RHD: variants seen among roughly 807,000 people sequenced by gnomAD.
RHD encodes blood group Rh(D) polypeptide.
RHD carries 16 observed loss-of-function variants against 45.5 expected under a neutral mutation model. The observed-to-expected ratio is 0.35, with a 90% CI of 0.24 to 0.53. The LOEUF is 0.53. RHD is among the 20% of genes least tolerant of loss of function. The pLI, the probability that RHD is intolerant of heterozygous loss-of-function variation, is 0.92. For synonymous variants in RHD, 131 were observed against 217.5 expected (o/e 0.60, Z 3.50); for missense variants, 306 against 532.0 (o/e 0.58, Z 4.18).
intron 6 of RHD, 64 bp from the exon 7 acceptor site, chr1:25,306,532 A>G: frequency 7.5e-7 from 1 of 1,337,076 alleles, no homozygotes; most frequent in South Asian, 1.2e-5. Flanking sequence ...AGGGTGTGTG[A>G]AAGGGGTGGG....
rs1324421058 is a variant in RHD, at chr1:25,281,173, AT to A, written c.149-3398del. 1.5e-5 allele frequency among the ~76,000 whole-genome samples: 2 copies of A among 132,510 alleles called. 1 individual carries two copies. Among genetic ancestry groups the A allele is most frequent in the East Asian group, 3.9e-4 (2 of 5,146 alleles). The allele number at this position is 132,510 out of a possible 152,430, so 86.9% of individuals were successfully genotyped here. Reference sequence around the variant, plus strand: ...CCTGTGCAAGGACATAGTTCCAGGCATTCAGAGCTGGGCTCTGCTGCCGGCA... The same window carrying A: ...CCTGTGCAAGGACATAGTTCCAGGCATCAGAGCTGGGCTCTGCTGCCGGCA... On this transcript the variant is annotated intron_variant, in intron 1 of 9. Coordinates refer to ENST00000328664, the MANE Select transcript of RHD (RefSeq NM_016124.6).
In RHD at chr1:25,291,763, G is replaced by A. The variant is rs558289695; in HGVS notation, c.486+972G>A. ...TGTCCTCTCATTGGGAGAGCCTGTC[G>A]AAAGTCTAAATTTGAAGGCAGCTGT... is the stretch of plus-strand genomic sequence containing the variant. On this transcript the variant is annotated intron_variant, in intron 3 of 9. Coordinates refer to ENST00000328664, the MANE Select transcript of RHD (RefSeq NM_016124.6). 2.3e-4 allele frequency among the ~76,000 whole-genome samples: 31 copies of A among 132,566 alleles called. 9 individuals are homozygous for A. The highest frequency in any genetic ancestry group is 5.0e-4 in the Non-Finnish European group (28 of 55,920). 87.0% of individuals were successfully genotyped at this position (132,566 alleles called of 152,430 possible).
rs1414487872 is a variant in RHD, at chr1:25,307,842, G to A, written c.1073+1113G>A. 31 of 1,297,810 alleles carry A rather than the reference G, an allele frequency of 2.4e-5. 7 individuals carry two copies. The highest frequency in any genetic ancestry group is 3.0e-5 in the Non-Finnish European group (28 of 941,958). The allele number at this position is 1,297,810 out of a possible 1,614,324, so 80.4% of individuals were successfully genotyped here. On this transcript the variant is annotated intron_variant, in intron 7 of 9. Coordinates refer to ENST00000328664, the MANE Select transcript of RHD (RefSeq NM_016124.6). Reference sequence around the variant, plus strand: ...GTGAGACATCCTTGCTTGGGATGAGGAGGGGATGAGCTGTGTGAAGCAAGG... The same window carrying A: ...GTGAGACATCCTTGCTTGGGATGAGAAGGGGATGAGCTGTGTGAAGCAAGG...
intron 2 of RHD, among the ~76,000 whole-genome samples, chr1:25,285,058 T>A (rs901845076): frequency 7.4e-6 from 1 of 134,722 alleles, no homozygotes; most frequent in African/African-American, 2.6e-5. Flanking sequence ...ATAATCAATA[T>A]AAGTTTATGG....
rs556261441 is a variant in RHD, at chr1:25,302,049, A to G, written c.801+363A>G. Among the ~76,000 whole-genome samples the G allele has an allele frequency of 2.3e-5, 3 of 130,688 alleles. No individual in the cohort carries two copies. The East Asian group carries it at 5.9e-4, about 26-fold the overall frequency. The allele number at this position is 130,688 out of a possible 152,430, so 85.7% of individuals were successfully genotyped here. ...AGCCAGCCTCTCTCTTCCCCCCAAC[A>G]AATTTCAAGAATGGAACCATCAGAA... On this transcript the variant is annotated intron_variant, in intron 5 of 9. Coordinates refer to ENST00000328664, the MANE Select transcript of RHD (RefSeq NM_016124.6).
intron 6 of RHD, among the ~76,000 whole-genome samples, chr1:25,304,221 A>G (rs923621618): frequency 2.1e-5 from 2 of 93,446 alleles, no homozygotes; most frequent in Non-Finnish European, 5.1e-5. Context: ...ACAAATCTTC[A>G]TGGGTTTGAA....
At chr1:25,300,806 CTGGG>C in intron 3 of RHD, 136 bp from the exon 4 acceptor site, 1 of 983,632 alleles carries the variant, frequency 1.0e-6, no homozygotes, top group Non-Finnish European at 1.6e-6. Context: ...CTGGGTTGGG[CTGGG>C]TAAGCTCTGA....
In RHD at chr1:25,279,010, C is replaced by T. The variant is rs529116956; in HGVS notation, c.149-5563C>T. Reference sequence around the variant, plus strand: ...GGGTGTGACTTCAGAGCTGTTGGTGCTGAAGTTTCTGCAGGCCAGAAGGAG... The same window carrying T: ...GGGTGTGACTTCAGAGCTGTTGGTGTTGAAGTTTCTGCAGGCCAGAAGGAG... On this transcript the variant is annotated intron_variant, in intron 1 of 9. Coordinates refer to ENST00000328664, the MANE Select transcript of RHD (RefSeq NM_016124.6). 3.6e-4 allele frequency among the ~76,000 whole-genome samples: 47 copies of T among 129,804 alleles called. 8 individuals are homozygous for T. The highest frequency in any genetic ancestry group is 1.2e-3 in the African/African-American group (45 of 37,554). The allele number at this position is 129,804 out of a possible 152,430, so 85.2% of individuals were successfully genotyped here.
rs1335443403 is a variant in RHD at position 25,283,502 on chromosome 1, G to A, written c.149-1071G>A. On this transcript the variant is annotated intron_variant, in intron 1 of 9. Coordinates refer to ENST00000328664, the MANE Select transcript of RHD (RefSeq NM_016124.6). The stretch of plus-strand genomic sequence containing the variant: ...GCCAAGATCTTGCCACTGTACTCCA[G>A]CCTGGGTGACGAGTGAAACTCTATC... 1.7e-4 allele frequency among the ~76,000 whole-genome samples: 22 copies of A among 126,898 alleles called. 4 individuals carry two copies. The highest frequency in any genetic ancestry group is 3.6e-5 in the Non-Finnish European group (2 of 55,178). 83.3% of individuals were successfully genotyped at this position (126,898 alleles called of 152,430 possible).
rs1417377916 is a variant in RHD, at chr1:25,316,535, C to T, written c.1074-465C>T. On this transcript the variant is annotated intron_variant, in intron 7 of 9. Transcript: ENST00000328664. ...CTTGAGGCACAAGAATCGCTTGAAC[C>T]TGGGGGACAGAGGTTGCAGTGAGCC... is the stretch of plus-strand genomic sequence containing the variant. Among the ~76,000 whole-genome samples the T allele has an allele frequency of 3.8e-5, 4 of 106,506 alleles. 1 individual carries two copies. Among genetic ancestry groups the T allele is most frequent in the Admixed American group, 9.2e-5 (1 of 10,890 alleles). The allele number at this position is 106,506 out of a possible 152,430, so 69.9% of individuals were successfully genotyped here.
At chr1:25,274,135 C>A (rs1278216430) in intron 1 of RHD, among the ~76,000 whole-genome samples, 1 of 132,204 alleles carries the variant, frequency 7.6e-6, no homozygotes, top group Admixed American at 7.4e-5. Context: ...TACTATGTAC[C>A]AGGCACTATT....
rs1483067134 is a variant in RHD at position 25,322,576 on chromosome 1, G to T, written c.1227+614G>T. ...TAATCCCAGTTACTCAGGAGGCTGAGGCAGGAGAATCACTTGAACCTGGGA... is the reference window on the plus strand; with the variant it reads ...TAATCCCAGTTACTCAGGAGGCTGATGCAGGAGAATCACTTGAACCTGGGA... On this transcript the variant is annotated intron_variant, in intron 9 of 9. Transcript: ENST00000328664. 3.8e-5 allele frequency among the ~76,000 whole-genome samples: 5 copies of T among 132,340 alleles called. 1 individual carries two copies. Among genetic ancestry groups the T allele is most frequent in the African/African-American group, 1.3e-4 (5 of 38,780 alleles). The allele number at this position is 132,340 out of a possible 152,430, so 86.8% of individuals were successfully genotyped here.
Position 25,315,366 on chromosome 1 carries a change from T to C in RHD, c.1074-1634T>C, listed in dbSNP as rs1217881418. Among the ~76,000 whole-genome samples the C allele has an allele frequency of 1.5e-5, 2 of 130,394 alleles. 1 individual carries two copies. Among genetic ancestry groups the C allele is most frequent in the Non-Finnish European group, 3.6e-5 (2 of 55,440 alleles). The allele number at this position is 130,394 out of a possible 152,430, so 85.5% of individuals were successfully genotyped here. On this transcript the variant is annotated intron_variant, in intron 7 of 9. Coordinates refer to ENST00000328664, the MANE Select transcript of RHD (RefSeq NM_016124.6). ...TACAAAGATGGCAAAGATGAGGGCC[T>C]GGAGCTTGCCACACGGAAGGGGGGA...
rs1477792146 is a variant in RHD, at chr1:25,301,110, G to A, written c.634+17G>A. ...CCATGCTGGGTAAGGACAAGGTGGGGTGAGTGGTCTCCTACTTGGGCTGAG... is the reference window on the plus strand; with the variant it reads ...CCATGCTGGGTAAGGACAAGGTGGGATGAGTGGTCTCCTACTTGGGCTGAG... On this transcript the variant is annotated intron_variant, in intron 4 of 9. Transcript: ENST00000328664. 2.2e-6 allele frequency: 3 copies of A among 1,374,436 alleles called. No homozygotes were observed. The East Asian group carries it at 6.7e-5, about 31-fold the overall frequency. 85.1% of individuals were successfully genotyped at this position (1,374,436 alleles called of 1,614,324 possible). A position where few individuals can be genotyped will look rare whatever the true frequency, so the allele number is the denominator to read the frequency against.
intron 7 of RHD, among the ~76,000 whole-genome samples, chr1:25,308,876 G>C (rs1468235807): frequency 1.5e-5 from 2 of 131,254 alleles, no homozygotes; most frequent in African/African-American, 5.3e-5. Context: ...CCTTAGTCCT[G>C]GTACTGAAAC....
At chr1:25,287,474 T>C (rs1642131913) in intron 2 of RHD, among the ~76,000 whole-genome samples, 1 of 135,086 alleles carries the variant, frequency 7.4e-6, no homozygotes, top group African/African-American at 2.6e-5. Flanking sequence ...TCCTGACCGG[T>C]TCCCGTCAGG....
chr1:25,316,776 TA>T (rs1644464057), intron 7 of RHD, among the ~76,000 whole-genome samples: 1 of 98,198 alleles, frequency 1.0e-5, no homozygotes, highest in Non-Finnish European at 2.5e-5. Context: ...TGCTGGGAAC[TA>T]AAATAAGCCA....
chr1:25,276,532 TAAAAAAAAA>T (rs557746335), intron 1 of RHD, among the ~76,000 whole-genome samples: 1 of 64,784 alleles, frequency 1.5e-5, no homozygotes, highest in African/African-American at 7.2e-5. Context: ...CCCCCATCTC[TAAAAAAAAA>T]AAAAAAAAAA....
chr1:25,282,670 A>G lies in RHD; in HGVS notation c.149-1903A>G, dbSNP rs1373641627. On this transcript the variant is annotated intron_variant, in intron 1 of 9. Transcript: ENST00000328664. ...CTGGGCACGATGGCTCATGCCTGTAATCCCAGCACTTTGGGAGACGGAGGT... is the reference window on the plus strand; with the variant it reads ...CTGGGCACGATGGCTCATGCCTGTAGTCCCAGCACTTTGGGAGACGGAGGT... 1.5e-5 allele frequency among the ~76,000 whole-genome samples: 2 copies of G among 132,036 alleles called. 1 individual carries two copies. The highest frequency in any genetic ancestry group is 1.5e-4 in the Admixed American group (2 of 13,528). 86.6% of individuals were successfully genotyped at this position (132,036 alleles called of 152,430 possible). A position where few individuals can be genotyped will look rare whatever the true frequency, so the allele number is the denominator to read the frequency against.
Sources: gnomAD v4.1 joint callset for allele counts (sites outside exome capture counted in the v4.1 genomes callset) on GRCh38, gnomAD v4.1.1 for gene constraint, MANE v1.5 for transcripts, NCBI Gene and HGNC (gene_info 2026-07-23, HGNC 2026-07-21) for gene names.